PRELID2: variants seen among roughly 807,000 people sequenced by gnomAD.
PRELID2 encodes the protein PRELI domain-containing protein 2.
A neutral mutation model predicts 28.4 loss-of-function variants in PRELID2; 25 were observed. The ratio of observed to expected loss-of-function variants is 0.88; its 90% CI spans 0.64 to 1.23. The LOEUF (loss-of-function observed/expected upper bound fraction) is 1.23. Ranked by LOEUF, PRELID2 falls within the 50% of genes most tolerant of loss-of-function variation. PRELID2 has a pLI of 0.00. For synonymous variants in PRELID2, 76 were observed against 71.6 expected, an observed-to-expected ratio of 1.06 and a Z score of -0.31; for missense variants, 201 against 214.4, an observed-to-expected ratio of 0.94 and a Z score of 0.39.
chr5:145,544,823 A>G (rs1406147557), intron 1 of PRELID2, among the ~76,000 whole-genome samples: 1 of 152,140 alleles, frequency 6.6e-6, no homozygotes. Context: ...AGAAATGTCC[A>G]ATTTGGAGGG....
the PRELID2 span, among the ~76,000 whole-genome samples, chr5:145,257,591 G>T: frequency 6.6e-6 from 1 of 152,020 alleles, no homozygotes; most frequent in African/African-American, 2.4e-5. Context: ...AACTAATGAT[G>T]TTCATAAGAA....
chr5:145,267,890 T>C, the PRELID2 span, among the ~76,000 whole-genome samples: 2 of 152,220 alleles, frequency 1.3e-5, no homozygotes, highest in Admixed American at 1.3e-4. Context: ...TTGATTTACA[T>C]TTTCTGATGA....
the PRELID2 span, among the ~76,000 whole-genome samples, chr5:145,366,621 T>C: frequency 1.3e-5 from 2 of 152,012 alleles, no homozygotes; most frequent in Admixed American, 6.6e-5. Flanking sequence ...TTTCTCATCT[T>C]CTTTTTTCCA....
intron 1 of PRELID2, among the ~76,000 whole-genome samples, chr5:145,719,240 T>C (rs781496109): frequency 6.6e-6 from 1 of 151,898 alleles, no homozygotes; most frequent in Non-Finnish European, 1.5e-5. Flanking sequence ...TGTCTAAGAT[T>C]AAATTAAAAT....
At chr5:145,486,578 C>CT (rs1033352204) in intron 1 of PRELID2, among the ~76,000 whole-genome samples, 81 of 152,298 alleles carry the variant, frequency 5.3e-4, no homozygotes, top group Non-Finnish European at 1.1e-3. Context: ...TAAGACCGCT[C>CT]TTGGGGAAAA....
chr5:145,726,311 G>A (rs954133978), intron 1 of PRELID2, among the ~76,000 whole-genome samples: 1 of 144,038 alleles, frequency 6.9e-6, no homozygotes, highest in African/African-American at 2.8e-5. Flanking sequence ...AAGAAAGAGA[G>A]AGAGAGAGAA....
the PRELID2 span, among the ~76,000 whole-genome samples, chr5:145,312,359 A>G: frequency 6.6e-6 from 1 of 152,106 alleles, no homozygotes; most frequent in South Asian, 2.1e-4. Flanking sequence ...TCAAAAAACA[A>G]ACAAAAAAAT....
chr5:145,678,371 C>T (rs1754863244), intron 1 of PRELID2, among the ~76,000 whole-genome samples: 2 of 152,156 alleles, frequency 1.3e-5, no homozygotes, highest in Non-Finnish European at 2.9e-5. Flanking sequence ...AGAAATGCTT[C>T]GTACTTCTCT....
intron 1 of PRELID2, among the ~76,000 whole-genome samples, chr5:145,684,496 G>A (rs1754998275): frequency 6.6e-6 from 1 of 152,136 alleles, no homozygotes; most frequent in Non-Finnish European, 1.5e-5. Context: ...TCCTCTCTTT[G>A]GTTAGCTTTC....
chr5:145,233,416 G>A, the PRELID2 span, among the ~76,000 whole-genome samples: 614 of 152,178 alleles, frequency 4.0e-3, 4 homozygotes, highest in Middle Eastern at 0.017. Context: ...GTTTTCAGAG[G>A]AGAAATTCCA....
chr5:145,388,470 T>A, the PRELID2 span, among the ~76,000 whole-genome samples: 3 of 152,122 alleles, frequency 2.0e-5, no homozygotes, highest in Non-Finnish European at 2.9e-5. Flanking sequence ...TTGGGCCCAC[T>A]TTACAAACCC....
the PRELID2 span, among the ~76,000 whole-genome samples, chr5:145,362,935 C>T: frequency 2.6e-5 from 4 of 151,814 alleles, no homozygotes; most frequent in Non-Finnish European, 4.4e-5. Context: ...GACACCACAC[C>T]ATGGGTCACC....
chr5:145,254,251 A>C, the PRELID2 span, among the ~76,000 whole-genome samples: 1 of 152,214 alleles, frequency 6.6e-6, no homozygotes, highest in Non-Finnish European at 1.5e-5. Flanking sequence ...CATGTTAAAC[A>C]TATAGAGACA....
the PRELID2 span, among the ~76,000 whole-genome samples, chr5:145,365,038 C>T: frequency 1.3e-5 from 2 of 151,876 alleles, no homozygotes; most frequent in Non-Finnish European, 2.9e-5. Context: ...TGAGACTTCT[C>T]CATATAATGA....
chr5:145,527,823 T>C (rs534164945), intron 1 of PRELID2, among the ~76,000 whole-genome samples: 1 of 152,262 alleles, frequency 6.6e-6, no homozygotes, highest in Non-Finnish European at 1.5e-5. Flanking sequence ...ATTAAATGAG[T>C]TAATATGGTA....
At chr5:145,823,937 T>C (rs921578929) in intron 1 of PRELID2, among the ~76,000 whole-genome samples, 1 of 152,192 alleles carries the variant, frequency 6.6e-6, no homozygotes, top group African/African-American at 2.4e-5. Context: ...AAAATAAGGC[T>C]TAGACAAATT....
At chr5:145,243,713 A>G in the PRELID2 span, among the ~76,000 whole-genome samples, 1 of 149,216 alleles carries the variant, frequency 6.7e-6, no homozygotes, top group Non-Finnish European at 1.5e-5. Flanking sequence ...ACTTGGTAAT[A>G]TACAATTAAG....
At chr5:145,636,837 G>A (rs1369615555) in intron 1 of PRELID2, among the ~76,000 whole-genome samples, 1 of 152,224 alleles carries the variant, frequency 6.6e-6, no homozygotes, top group East Asian at 1.9e-4. Context: ...CGTAGCCTTA[G>A]AGAAGCATTA....
intron 1 of PRELID2, among the ~76,000 whole-genome samples, chr5:145,498,490 T>C (rs1163217702): frequency 6.6e-6 from 1 of 151,988 alleles, no homozygotes; most frequent in East Asian, 1.9e-4. Context: ...TGAGAACTTG[T>C]CTCTCTCTGT....
Sources: allele counts gnomAD v4.1 joint callset (sites outside exome capture counted in the v4.1 genomes callset), GRCh38; gene constraint gnomAD v4.1.1; transcripts MANE v1.5; gene names NCBI Gene and HGNC (gene_info 2026-07-23, HGNC 2026-07-21).